The following SPEF2 variants were observed in gnomAD, a reference collection of about 807,000 sequenced individuals.
The protein encoded by SPEF2 is sperm flagella and cilia-associated protein 2.
SPEF2 carries 187 observed loss-of-function variants against 224.6 expected under a neutral mutation model. The ratio of observed to expected loss-of-function variants is 0.83; its 90% CI spans 0.74 to 0.94. SPEF2 has a LOEUF of 0.94. Among genes scored for constraint, SPEF2 ranks in the 40% least tolerant of loss-of-function variants. The pLI, the probability that SPEF2 is intolerant of heterozygous loss-of-function variation, is 0.00. For missense variants in SPEF2, 2,170 were observed against 2,135.6 expected (o/e 1.02, Z -0.32); for synonymous variants, 715 against 707.3 (o/e 1.01, Z -0.17).
At position 35,782,819 on chromosome 5, in the gene SPEF2, C is replaced by T. The variant is rs75500772; in HGVS notation, c.4447+3473C>T. 2.9e-3 allele frequency among the ~76,000 whole-genome samples: 434 copies of T among 152,238 alleles called. 5 individuals are homozygous for T. Among genetic ancestry groups the T allele is most frequent in the African/African-American group, 1.0e-2 (415 of 41,542 alleles). On this transcript the variant is annotated intron_variant, in intron 30 of 36. Coordinates refer to ENST00000356031, the MANE Select transcript of SPEF2 (RefSeq NM_024867.4). ...CATATATTGTAACATATTCAACACT[C>T]CTTTTCTGGTCAAATTCTGCCACTT...
chr5:35,677,658 G>C (rs981209980), intron 10 of SPEF2, among the ~76,000 whole-genome samples: 1 of 152,160 alleles, frequency 6.6e-6, no homozygotes, highest in Non-Finnish European at 1.5e-5. Flanking sequence ...TCATTTTGGG[G>C]TGACTGAACT....
rs112407269 is a variant in SPEF2 at position 35,625,417 on chromosome 5, C to T, written c.59-3043C>T. ...TCAGCCACACTGAAGATGAAGGAAA[C>T]GGATTTAGTATTCCCCAGTTATTCC... On this transcript the variant is annotated intron_variant, in intron 1 of 36. Transcript: ENST00000356031. 5.8e-3 allele frequency among the ~76,000 whole-genome samples: 879 copies of T among 152,208 alleles called. 8 individuals carry two copies. Among genetic ancestry groups the T allele is most frequent in the African/African-American group, 0.02 (835 of 41,530 alleles).
chr5:35,797,417 G>T (rs1756829257), intron 33 of SPEF2, among the ~76,000 whole-genome samples: 1 of 151,796 alleles, frequency 6.6e-6, no homozygotes, highest in Non-Finnish European at 1.5e-5. Flanking sequence ...CGCCCCATGG[G>T]TGTCTCTGAG....
chr5:35,751,036 C>CGTATATATATAT lies in SPEF2; in HGVS notation c.3331-2588_3331-2587insGTATATATATAT, dbSNP rs1249591349. Among the ~76,000 whole-genome samples, 3 of 26,614 alleles carry CGTATATATATAT rather than the reference C, an allele frequency of 1.1e-4. 1 individual carries two copies. Among genetic ancestry groups the CGTATATATATAT allele is most frequent in the East Asian group, 1.0e-3 (1 of 960 alleles). 17.5% of individuals were successfully genotyped at this position (26,614 alleles called of 152,430 possible). A position where few individuals can be genotyped will look rare whatever the true frequency, so the allele number is the denominator to read the frequency against. On this transcript the variant is annotated intron_variant, in intron 23 of 36. Transcript: ENST00000356031. ...ACGTATATATATACGTATATATATACACATATGTATATATATATACGTATA... is the reference window on the plus strand; with the variant it reads ...ACGTATATATATACGTATATATATACGTATATATATATACATATGTATATATATATACGTATA...
chr5:35,650,450 A>G (rs1205181960), intron 6 of SPEF2, among the ~76,000 whole-genome samples: 1 of 152,122 alleles, frequency 6.6e-6, no homozygotes, highest in Non-Finnish European at 1.5e-5. Context: ...TTGGCCCATG[A>G]AAATACCAAT....
At chr5:35,771,048 G>A (rs1219659228) in intron 26 of SPEF2, among the ~76,000 whole-genome samples, 2 of 152,032 alleles carry the variant, frequency 1.3e-5, no homozygotes, top group Non-Finnish European at 2.9e-5. Flanking sequence ...CCCAAAAATT[G>A]GCTGTTGCCG....
chr5:35,706,586 A>C (rs568671995), intron 18 of SPEF2, among the ~76,000 whole-genome samples: 5 of 152,210 alleles, frequency 3.3e-5, no homozygotes, highest in African/African-American at 1.2e-4. Flanking sequence ...ACTGTTTCTT[A>C]GTATAATAAA....
At chr5:35,788,778 T>C in intron 30 of SPEF2, 1 of 703,024 alleles carries the variant, frequency 1.4e-6, no homozygotes, top group Non-Finnish European at 2.6e-6. Flanking sequence ...GCACATCACC[T>C]TGAACTATCT....
chr5:35,671,155 A>C, intron 10 of SPEF2: 1 of 985,420 alleles, frequency 1.0e-6, no homozygotes, highest in Non-Finnish European at 1.2e-6. Context: ...TGAAAAGATT[A>C]TTTGACCTAA....
intron 9 of SPEF2, among the ~76,000 whole-genome samples, chr5:35,669,589 C>T (rs1019721698): frequency 2.6e-5 from 4 of 151,944 alleles, no homozygotes; most frequent in South Asian, 2.1e-4. Flanking sequence ...GTAAAATGTC[C>T]GGAACTTAGT....
intron 21 of SPEF2, among the ~76,000 whole-genome samples, chr5:35,735,811 A>G (rs1746495004): frequency 1.3e-5 from 2 of 152,270 alleles, no homozygotes; most frequent in South Asian, 4.1e-4. Flanking sequence ...CATTATGCAC[A>G]CAGCAATGAA....
intron 26 of SPEF2, chr5:35,764,535 C>T: frequency 2.2e-6 from 1 of 455,682 alleles, no homozygotes; most frequent in South Asian, 1.6e-5. Context: ...ATTCCCTCAT[C>T]TGCCAGGTCC....
At chr5:35,806,292 T>C (rs1024921935) in intron 34 of SPEF2, among the ~76,000 whole-genome samples, 2 of 152,222 alleles carry the variant, frequency 1.3e-5, no homozygotes, top group African/African-American at 4.8e-5. Context: ...CAAAGAAATG[T>C]TTCTGAAGCT....
At chr5:35,645,897 C>A (rs971138518) in intron 4 of SPEF2, among the ~76,000 whole-genome samples, 1 of 151,812 alleles carries the variant, frequency 6.6e-6, no homozygotes, top group African/African-American at 2.4e-5. Flanking sequence ...ATAATGTATG[C>A]CTTTTTAAGG....
intron 21 of SPEF2, among the ~76,000 whole-genome samples, chr5:35,733,820 A>G (rs1164079950): frequency 6.6e-6 from 1 of 151,936 alleles, no homozygotes. Context: ...TGACTGGTCT[A>G]TGTTCAAATC....
At chr5:35,686,135 C>A (rs545438406) in intron 10 of SPEF2, among the ~76,000 whole-genome samples, 50 of 152,088 alleles carry the variant, frequency 3.3e-4, no homozygotes, top group African/African-American at 1.1e-3. Flanking sequence ...TAGAATTGAT[C>A]ATCTGAGATA....
In SPEF2 at chr5:35,796,599, G is replaced by A. The variant is rs564807196; in HGVS notation, c.4830+804G>A. ...TGCAGTCAGGCCTGGGCGAAAGAGC[G>A]AGACTGTCTCAAAAAAAAAAAAAAT... On this transcript the variant is annotated intron_variant, in intron 33 of 36. Coordinates refer to ENST00000356031, the MANE Select transcript of SPEF2 (RefSeq NM_024867.4). Among the ~76,000 whole-genome samples, 36 of 102,114 alleles carry A rather than the reference G, an allele frequency of 3.5e-4. No individual in the cohort carries two copies. In the East Asian group the frequency reaches 0.01, roughly 29 times the overall value. 67.0% of individuals were successfully genotyped at this position (102,114 alleles called of 152,430 possible).
At chr5:35,630,192 G>T (rs1446379938) in intron 2 of SPEF2, among the ~76,000 whole-genome samples, 5 of 152,162 alleles carry the variant, frequency 3.3e-5, no homozygotes, top group Non-Finnish European at 7.4e-5. Flanking sequence ...GGCTGGTGTT[G>T]AGTGTATGTG....
chr5:35,801,247 G>T (rs1161124598), intron 34 of SPEF2, among the ~76,000 whole-genome samples: 1 of 152,202 alleles, frequency 6.6e-6, no homozygotes, highest in Non-Finnish European at 1.5e-5. Context: ...TGGGTGTGGT[G>T]GCTCCCACCT....
Sources: allele counts gnomAD v4.1 joint callset (sites outside exome capture counted in the v4.1 genomes callset), GRCh38; gene constraint gnomAD v4.1.1; transcripts MANE v1.5; gene names NCBI Gene and HGNC (gene_info 2026-07-23, HGNC 2026-07-21).